The following DNAH14 variants were observed in gnomAD, a reference collection of about 807,000 sequenced individuals.
DNAH14 encodes axonemal beta dynein heavy chain 14.
A neutral mutation model predicts 520.9 loss-of-function variants in DNAH14; 478 were observed. The ratio of observed to expected loss-of-function variants is 0.92; its 90% CI spans 0.85 to 0.99. The LOEUF (loss-of-function observed/expected upper bound fraction) is 0.99, where lower values mean the gene tolerates loss of function less well. Ranked by LOEUF, DNAH14 falls within the 50% of genes least tolerant of loss-of-function variation. The pLI is 0.00. For synonymous variants in DNAH14, 1,581 were observed against 1,757.2 expected (o/e 0.90, Z 2.51); for missense variants, 4,831 against 5,234.5 (o/e 0.92, Z 2.38).
intron 38 of DNAH14, among the ~76,000 whole-genome samples, chr1:225,194,475 G>C (rs1298482686): frequency 6.6e-6 from 1 of 152,038 alleles, no homozygotes; most frequent in Non-Finnish European, 1.5e-5. Flanking sequence ...TACCTGGCTA[G>C]ATGTATGCAG....
chr1:225,185,951 T>G (rs939588791), intron 37 of DNAH14, among the ~76,000 whole-genome samples: 26 of 149,210 alleles, frequency 1.7e-4, no homozygotes, highest in African/African-American at 6.1e-4. Context: ...ACTTTGTTTT[T>G]TTTTTTTTTT....
rs535558429 is a variant in DNAH14, at chr1:224,985,874, T to TA, written c.830+11730dup. Among the ~76,000 whole-genome samples the TA allele has an allele frequency of 3.8e-3, 573 of 149,222 alleles. 4 individuals carry two copies. The highest frequency in any genetic ancestry group is 7.0e-3 in the Non-Finnish European group (467 of 67,144). The stretch of plus-strand genomic sequence containing the variant: ...ATACACAGAGAAGATTAAAAAAGAA[T>TA]AAAAAAAAATGAAGCATGCCTACAA... On this transcript the variant is annotated intron_variant, in intron 8 of 85. Transcript: ENST00000682510.
At chr1:225,368,432 T>C (rs1477117537) in intron 77 of DNAH14, among the ~76,000 whole-genome samples, 2 of 152,040 alleles carry the variant, frequency 1.3e-5, no homozygotes, top group African/African-American at 4.8e-5. Flanking sequence ...TAAAAATGTT[T>C]GTTTGTTGGT....
chr1:225,177,300 G>A (rs967767315), intron 36 of DNAH14, among the ~76,000 whole-genome samples: 9 of 152,168 alleles, frequency 5.9e-5, no homozygotes, highest in African/African-American at 1.2e-4. Context: ...GAGGTGATTT[G>A]GGTGCTGTTT....
At chr1:225,094,524 C>CTGGAAAATAA (rs1276470887) in intron 21 of DNAH14, among the ~76,000 whole-genome samples, 12 of 151,710 alleles carry the variant, frequency 7.9e-5, no homozygotes, top group Non-Finnish European at 1.5e-4. Context: ...TGTAAAAACC[C>CTGGAAAATAA]TGGAAAATAA....
intron 1 of DNAH14, among the ~76,000 whole-genome samples, chr1:224,949,926 GTTC>G (rs1365269951): frequency 6.6e-6 from 1 of 151,920 alleles, no homozygotes; most frequent in African/African-American, 2.4e-5. Context: ...TATAATTTTT[GTTC>G]TTCTTATGGA....
intron 1 of DNAH14, among the ~76,000 whole-genome samples, chr1:224,951,050 G>C (rs1286696490): frequency 6.6e-6 from 1 of 151,964 alleles, no homozygotes; most frequent in Non-Finnish European, 1.5e-5. Context: ...TTTTGAGATG[G>C]AGTCTCGCTC....
chr1:224,989,408 A>G lies in DNAH14; in HGVS notation c.831-13375A>G, dbSNP rs1375424765. Among the ~76,000 whole-genome samples, 3 of 152,224 alleles carry G rather than the reference A, an allele frequency of 2.0e-5. No homozygotes were observed. The East Asian group carries it at 5.8e-4, about 29-fold the overall frequency. ...ATATAGAAACACAATTGATTTTCATATATTGATCTTATATGCTATAACCTT... is the reference window on the plus strand; with the variant it reads ...ATATAGAAACACAATTGATTTTCATGTATTGATCTTATATGCTATAACCTT... On this transcript the variant is annotated intron_variant, in intron 8 of 85. Coordinates refer to ENST00000682510, the MANE Select transcript of DNAH14 (RefSeq NM_001367479.1).
intron 38 of DNAH14, among the ~76,000 whole-genome samples, chr1:225,197,016 T>C (rs1459113242): frequency 2.0e-5 from 3 of 150,706 alleles, no homozygotes; most frequent in Admixed American, 2.0e-4. Context: ...CTCTGCTGAC[T>C]GTACCTTTTG....
At chr1:225,173,725 A>G (rs1009557043) in intron 36 of DNAH14, among the ~76,000 whole-genome samples, 6 of 152,240 alleles carry the variant, frequency 3.9e-5, no homozygotes, top group Admixed American at 3.9e-4. Flanking sequence ...ATCTTGAACT[A>G]GAAATACCAT....
chr1:225,032,328 AG>A (rs2066592283), intron 11 of DNAH14, among the ~76,000 whole-genome samples: 1 of 152,004 alleles, frequency 6.6e-6, no homozygotes, highest in Non-Finnish European at 1.5e-5. Context: ...GAGAACATAC[AG>A]TATTTGGTTT....
intron 66 of DNAH14, among the ~76,000 whole-genome samples, chr1:225,334,446 T>C (rs2094869476): frequency 6.6e-6 from 1 of 151,620 alleles, no homozygotes. Flanking sequence ...CAGTGAGCTA[T>C]GATGGTGCCA....
At chr1:225,108,334 C>T (rs2076241208) in intron 23 of DNAH14, among the ~76,000 whole-genome samples, 1 of 152,146 alleles carries the variant, frequency 6.6e-6, no homozygotes, top group South Asian at 2.1e-4. Context: ...AACTGGCTTC[C>T]TTGCTCCTCA....
intron 17 of DNAH14, among the ~76,000 whole-genome samples, chr1:225,070,712 G>A (rs978469345): frequency 5.9e-5 from 9 of 152,122 alleles, no homozygotes; most frequent in African/African-American, 2.2e-4. Context: ...CTGTGGGTAT[G>A]TCTCAGGTCC....
In DNAH14 at chr1:225,245,038, G is replaced by T. The variant is rs185348376; in HGVS notation, c.6748+4216G>T. 5.6e-3 allele frequency among the ~76,000 whole-genome samples: 849 copies of T among 152,190 alleles called. 5 individuals carry two copies. The highest frequency in any genetic ancestry group is 8.7e-3 in the Non-Finnish European group (590 of 67,990). On this transcript the variant is annotated intron_variant, in intron 43 of 85. Coordinates refer to ENST00000682510, the MANE Select transcript of DNAH14 (RefSeq NM_001367479.1). Reference sequence around the variant, plus strand: ...GCTTTAGCTCTGTCCCAGAGATTCTGGTACATGTGCCTTTGTTCTCATTGG... The same window carrying T: ...GCTTTAGCTCTGTCCCAGAGATTCTTGTACATGTGCCTTTGTTCTCATTGG...
chr1:225,310,431 A>G (rs1390246306), intron 60 of DNAH14, among the ~76,000 whole-genome samples: 3 of 151,722 alleles, frequency 2.0e-5, no homozygotes, highest in East Asian at 1.9e-4. Context: ...TACCTCACAC[A>G]CTCCTATAAT....
intron 21 of DNAH14, among the ~76,000 whole-genome samples, chr1:225,094,818 CAAAAA>C (rs140729760): frequency 0.31 from 28,018 of 91,176 alleles, 5,543 homozygotes; most frequent in African/African-American, 0.58. Flanking sequence ...CATTTACAGG[CAAAAA>C]AAAAAAAAAA....
At chr1:225,208,553 A>G (rs1382047482) in intron 41 of DNAH14, among the ~76,000 whole-genome samples, 1 of 152,200 alleles carries the variant, frequency 6.6e-6, no homozygotes, top group East Asian at 1.9e-4. Flanking sequence ...TTGAAAGGTT[A>G]ACATTCATAT....
At chr1:225,287,518 A>G (rs1411306892) in intron 54 of DNAH14, among the ~76,000 whole-genome samples, 1 of 152,218 alleles carries the variant, frequency 6.6e-6, no homozygotes, top group Non-Finnish European at 1.5e-5. Context: ...AGTTGGAGAC[A>G]TAAGTTAAAC....
Sources: allele counts gnomAD v4.1 joint callset (sites outside exome capture counted in the v4.1 genomes callset), GRCh38; gene constraint gnomAD v4.1.1; transcripts MANE v1.5; gene names NCBI Gene and HGNC (gene_info 2026-07-23, HGNC 2026-07-21).